FGGY: variants seen among roughly 807,000 people sequenced by gnomAD.
FGGY encodes FGGY carbohydrate kinase domain-containing protein.
A neutral mutation model predicts 71.3 loss-of-function variants in FGGY; 72 were observed. The observed-to-expected ratio is 1.01, with a 90% CI of 0.84 to 1.23. The LOEUF is 1.23. Ranked by LOEUF, FGGY falls within the 50% of genes most tolerant of loss-of-function variation. The pLI is 0.00. For synonymous variants in FGGY, 251 were observed against 250.3 expected (o/e 1.00, Z -0.02); for missense variants, 668 against 682.3 (o/e 0.98, Z 0.23).
chr1:59,656,714 T>C (rs933723980), intron 11 of FGGY, among the ~76,000 whole-genome samples: 4 of 152,244 alleles, frequency 2.6e-5, no homozygotes, highest in East Asian at 3.8e-4. Flanking sequence ...CTTTTGATAC[T>C]GAATACCTTC....
chr1:59,470,080 A>G (rs1327346171), intron 6 of FGGY, among the ~76,000 whole-genome samples: 1 of 152,142 alleles, frequency 6.6e-6, no homozygotes, highest in Non-Finnish European at 1.5e-5. Flanking sequence ...GTGTCTTTAT[A>G]ATAGAATGAT....
intron 4 of FGGY, among the ~76,000 whole-genome samples, chr1:59,360,705 G>A (rs192255107): frequency 4.1e-4 from 62 of 152,334 alleles, no homozygotes; most frequent in Non-Finnish European, 8.2e-4. Context: ...GAAAATTAGT[G>A]AGGTCTATTT....
At chr1:59,729,288 T>C (rs2097993735) in intron 14 of FGGY, among the ~76,000 whole-genome samples, 1 of 152,180 alleles carries the variant, frequency 6.6e-6, no homozygotes, top group African/African-American at 2.4e-5. Context: ...TAGTGTTTAC[T>C]TTTTCTATTA....
intron 8 of FGGY, among the ~76,000 whole-genome samples, chr1:59,599,095 C>CGTTTGTTTGTTTGTTT (rs5774477): frequency 6.6e-6 from 1 of 151,340 alleles, no homozygotes; most frequent in African/African-American, 2.4e-5. Context: ...TACACATGTT[C>CGTTTGTTTGTTTGTTT]GTTTGTTTGT....
chr1:59,698,662 C>A, intron 14 of FGGY: 2 of 742,200 alleles, frequency 2.7e-6, no homozygotes, highest in Non-Finnish European at 3.3e-6. Context: ...TGACCCACCT[C>A]TCCCCTTTCT....
chr1:59,466,911 A>T (rs2092666519), intron 6 of FGGY, among the ~76,000 whole-genome samples: 1 of 152,216 alleles, frequency 6.6e-6, no homozygotes, highest in Non-Finnish European at 1.5e-5. Flanking sequence ...GTGGTAGTGT[A>T]AACTAGTTCA....
intron 8 of FGGY, among the ~76,000 whole-genome samples, chr1:59,596,578 C>T (rs74616455): frequency 0.053 from 8,060 of 152,056 alleles, 418 homozygotes; most frequent in African/African-American, 0.14. Flanking sequence ...TTTTCTGAAG[C>T]TCAGTTTCCT....
intron 8 of FGGY, among the ~76,000 whole-genome samples, chr1:59,584,706 A>T (rs892917374): frequency 1.3e-5 from 2 of 149,988 alleles, no homozygotes; most frequent in African/African-American, 5.0e-5. Flanking sequence ...AGGGTATTCA[A>T]TTAGGAAAAG....
At chr1:59,689,205 G>A (rs2097570117) in intron 14 of FGGY, among the ~76,000 whole-genome samples, 2 of 152,154 alleles carry the variant, frequency 1.3e-5, no homozygotes, top group South Asian at 2.1e-4. Flanking sequence ...GGAAAGAGTA[G>A]CCTGGCTTTG....
At chr1:59,653,243 G>A (rs1179796441) in intron 11 of FGGY, among the ~76,000 whole-genome samples, 1 of 152,258 alleles carries the variant, frequency 6.6e-6, no homozygotes, top group African/African-American at 2.4e-5. Flanking sequence ...GGAGCCTACA[G>A]TGGCAGGCAG....
intron 1 of FGGY, among the ~76,000 whole-genome samples, chr1:59,303,195 A>G (rs905417056): frequency 6.6e-6 from 1 of 152,192 alleles, no homozygotes; most frequent in African/African-American, 2.4e-5. Context: ...AACTGTAATC[A>G]CTATGTTGTA....
chr1:59,615,567 A>T (rs573020257), intron 9 of FGGY, among the ~76,000 whole-genome samples: 189 of 152,330 alleles, frequency 1.2e-3, no homozygotes, highest in African/African-American at 4.4e-3. Context: ...AGGCAATACC[A>T]TTCAGGACAT....
intron 4 of FGGY, 119 bp downstream of exon 4, chr1:59,346,517 A>G: frequency 4.3e-6 from 5 of 1,161,682 alleles, no homozygotes; most frequent in Non-Finnish European, 6.1e-6. Flanking sequence ...CCCAGCAACT[A>G]GGAGGAAGGT....
At chr1:59,663,114 T>C (rs1185324706) in intron 12 of FGGY, among the ~76,000 whole-genome samples, 1 of 152,214 alleles carries the variant, frequency 6.6e-6, no homozygotes, top group Non-Finnish European at 1.5e-5. Flanking sequence ...GACACGACTG[T>C]GTGCCAGGCA....
chr1:59,305,341 T>C (rs1380671855), intron 1 of FGGY, among the ~76,000 whole-genome samples: 1 of 152,208 alleles, frequency 6.6e-6, no homozygotes, highest in African/African-American at 2.4e-5. Flanking sequence ...GTTCTGTGAA[T>C]GTAGTGTATC....
intron 4 of FGGY, among the ~76,000 whole-genome samples, chr1:59,376,971 C>A (rs138884178): frequency 4.6e-5 from 7 of 152,264 alleles, no homozygotes; most frequent in African/African-American, 1.7e-4. Flanking sequence ...CATTCATAGG[C>A]AGAAGTGAAA....
chr1:59,612,739 A>C (rs1168990318), intron 9 of FGGY, among the ~76,000 whole-genome samples: 1 of 152,212 alleles, frequency 6.6e-6, no homozygotes, highest in African/African-American at 2.4e-5. Context: ...CATGTGCTGT[A>C]TTCAGGAAAC....
chr1:59,696,214 T>C (rs1327492566), intron 14 of FGGY, among the ~76,000 whole-genome samples: 1 of 152,198 alleles, frequency 6.6e-6, no homozygotes, highest in East Asian at 1.9e-4. Flanking sequence ...TGTACAGACA[T>C]ACCACCAGTG....
intron 8 of FGGY, among the ~76,000 whole-genome samples, chr1:59,575,081 A>T (rs1239313782): frequency 6.6e-6 from 1 of 152,212 alleles, no homozygotes; most frequent in Non-Finnish European, 1.5e-5. Context: ...AAGCTTATTG[A>T]CATATTCATT....
Sources: allele counts gnomAD v4.1 joint callset (sites outside exome capture counted in the v4.1 genomes callset), GRCh38; gene constraint gnomAD v4.1.1; transcripts MANE v1.5; gene names NCBI Gene and HGNC (gene_info 2026-07-23, HGNC 2026-07-21).